The following LYPD6 variants were observed in gnomAD, a reference collection of about 807,000 sequenced individuals.
LYPD6 encodes LY6/PLAUR domain containing 6, also known as ly6/PLAUR domain-containing protein 6.
LYPD6 carries 15 observed loss-of-function variants against 22.7 expected under a neutral mutation model. The observed-to-expected ratio is 0.66, with a 90% CI of 0.44 to 1.02. LYPD6 has a LOEUF of 1.02. Among genes scored for constraint, LYPD6 ranks in the 50% least tolerant of loss-of-function variants. The pLI is 0.00. For missense variants in LYPD6, 189 were observed against 208.4 expected, an observed-to-expected ratio of 0.91 and a Z score of 0.57; for synonymous variants, 72 against 77.5, an observed-to-expected ratio of 0.93 and a Z score of 0.37.
At chr2:149,395,102 A>ATTT (rs59440032) in intron 1 of LYPD6, among the ~76,000 whole-genome samples, 2 of 145,080 alleles carry the variant, frequency 1.4e-5, no homozygotes, top group African/African-American at 5.0e-5. Flanking sequence ...GAGACCAACC[A>ATTT]TTTTTTTTTT....
chr2:149,368,337 A>G (rs902092417), intron 1 of LYPD6, among the ~76,000 whole-genome samples: 1 of 152,186 alleles, frequency 6.6e-6, no homozygotes, highest in Non-Finnish European at 1.5e-5. Flanking sequence ...CAAGTTGTTC[A>G]GTATGGATGG....
chr2:149,406,984 A>C (rs1273934186), intron 1 of LYPD6, among the ~76,000 whole-genome samples: 1 of 151,548 alleles, frequency 6.6e-6, no homozygotes, highest in East Asian at 1.9e-4. Context: ...TTTCTCCTTC[A>C]CTTATGAAGC....
At chr2:149,339,236 C>A (rs186639964) in intron 1 of LYPD6, among the ~76,000 whole-genome samples, 9 of 152,308 alleles carry the variant, frequency 5.9e-5, no homozygotes, top group African/African-American at 2.2e-4. Context: ...GCAGGAACTC[C>A]TGCTTGCCAT....
rs1378132551 is a variant in LYPD6, at chr2:149,395,857, C to T, written c.-71-41781C>T. Among the ~76,000 whole-genome samples the T allele has an allele frequency of 2.6e-5, 4 of 152,100 alleles. No individual in the cohort carries two copies. The East Asian group carries it at 7.7e-4, about 29-fold the overall frequency. ...ATTTCACCAAATGCTTTTTTAGAAC[C>T]TATTGATGTAACCAACCACTTTTAC... On this transcript the variant is annotated intron_variant, in intron 1 of 4. Coordinates refer to ENST00000334166, the MANE Select transcript of LYPD6 (RefSeq NM_194317.5).
At chr2:149,479,098 A>G (rs559925962), downstream of LYPD6, among the ~76,000 whole-genome samples, 69 of 152,254 alleles carry the variant, frequency 4.5e-4, no homozygotes, top group African/African-American at 1.6e-3. Context: ...ATGAACGACA[A>G]GCTGCTCAGC....
At chr2:149,440,721 G>A (rs1231605927) in intron 2 of LYPD6, among the ~76,000 whole-genome samples, 20 of 93,946 alleles carry the variant, frequency 2.1e-4, no homozygotes, top group African/African-American at 7.8e-4. Flanking sequence ...TTTTTTTTGA[G>A]ACAGAGTCTC....
chr2:149,353,560 T>C (rs1319115480), intron 1 of LYPD6, among the ~76,000 whole-genome samples: 1 of 152,200 alleles, frequency 6.6e-6, no homozygotes, highest in Non-Finnish European at 1.5e-5. Context: ...GAACCTGTGA[T>C]ATATACTATG....
At chr2:149,410,840 A>G (rs1436559280) in intron 1 of LYPD6, among the ~76,000 whole-genome samples, 1 of 152,254 alleles carries the variant, frequency 6.6e-6, no homozygotes, top group African/African-American at 2.4e-5. Context: ...CCAGGCAAGT[A>G]CAATACATCT....
intron 1 of LYPD6, among the ~76,000 whole-genome samples, chr2:149,424,396 T>TA (rs1199466704): frequency 2.0e-5 from 3 of 152,196 alleles, no homozygotes; most frequent in Non-Finnish European, 4.4e-5. Context: ...ATCTTGTCCC[T>TA]ACGGCATAGA....
At chr2:149,407,997 A>C (rs986191948) in intron 1 of LYPD6, among the ~76,000 whole-genome samples, 1 of 152,062 alleles carries the variant, frequency 6.6e-6, no homozygotes, top group Non-Finnish European at 1.5e-5. Flanking sequence ...CTAGAGGTCC[A>C]CTCCAGACCC....
chr2:149,477,571 C>T (rs1275567069), downstream of LYPD6, among the ~76,000 whole-genome samples: 8 of 143,302 alleles, frequency 5.6e-5, no homozygotes, highest in African/African-American at 7.9e-5. Context: ...TGCAGTGAGC[C>T]GAGATTGTGC....
rs1311518197 is a variant in LYPD6 at position 149,472,679 on chromosome 2, GCA to G, written c.*1831_*1832del. On this transcript the variant is annotated 3_prime_UTR_variant, in exon 5 of 5. Coordinates refer to ENST00000334166, the MANE Select transcript of LYPD6 (RefSeq NM_194317.5). ...TTATTAAGCACCTCGTATGTGCCAG[GCA>G]CTATGCTAAGCACTTTACATAAGTT... 6.6e-6 allele frequency: 1 copy of G among 152,624 alleles called. No homozygotes were observed. Among genetic ancestry groups the G allele is most frequent in the Non-Finnish European group, 1.5e-5 (1 of 68,038 alleles). The allele number at this position is 152,624 out of a possible 1,614,324, so 9.5% of individuals were successfully genotyped here.
chr2:149,412,510 A>G (rs574866046), intron 1 of LYPD6, among the ~76,000 whole-genome samples: 2 of 151,744 alleles, frequency 1.3e-5, no homozygotes, highest in African/African-American at 4.8e-5. Context: ...TTCTGATTCT[A>G]CTCTAGAGTT....
chr2:149,374,545 ACTGAAGGGAAGT>A (rs1681875413), intron 1 of LYPD6, among the ~76,000 whole-genome samples: 1 of 152,184 alleles, frequency 6.6e-6, no homozygotes, highest in African/African-American at 2.4e-5. Flanking sequence ...ATAAAGTTAC[ACTGAAGGGAAGT>A]CTGTCCCTGA....
At chr2:149,334,365 A>T (rs916255556) in intron 1 of LYPD6, among the ~76,000 whole-genome samples, 8 of 152,192 alleles carry the variant, frequency 5.3e-5, no homozygotes, top group Admixed American at 1.3e-4. Flanking sequence ...ATGTACTGGG[A>T]GATAAAAAGA....
chr2:149,426,098 A>G (rs1048171931), intron 1 of LYPD6, among the ~76,000 whole-genome samples: 3 of 152,158 alleles, frequency 2.0e-5, no homozygotes, highest in African/African-American at 4.8e-5. Flanking sequence ...TAGGGTTTTT[A>G]CCTAAGTCAT....
downstream of LYPD6, among the ~76,000 whole-genome samples, chr2:149,479,112 A>T (rs1681483951): frequency 6.6e-6 from 1 of 152,112 alleles, no homozygotes; most frequent in East Asian, 1.9e-4. Flanking sequence ...GCTCAGCCCA[A>T]CAGTCACTTC....
chr2:149,458,439 C>T (rs1338301708), intron 3 of LYPD6, among the ~76,000 whole-genome samples: 1 of 152,072 alleles, frequency 6.6e-6, no homozygotes, highest in Non-Finnish European at 1.5e-5. Context: ...TTAGTAGAGG[C>T]TACATGGGAA....
At chr2:149,377,940 T>G (rs1681967022) in intron 1 of LYPD6, among the ~76,000 whole-genome samples, 1 of 152,070 alleles carries the variant, frequency 6.6e-6, no homozygotes, top group Non-Finnish European at 1.5e-5. Context: ...ATCTCCAATG[T>G]GCCTGGCATG....
Sources: allele counts gnomAD v4.1 joint callset (sites outside exome capture counted in the v4.1 genomes callset), GRCh38; gene constraint gnomAD v4.1.1; transcripts MANE v1.5; gene names NCBI Gene and HGNC (gene_info 2026-07-23, HGNC 2026-07-21).